The following AGO1 variants were observed in gnomAD, a reference collection of about 807,000 sequenced individuals.
AGO1 encodes the protein protein argonaute-1.
Under a neutral mutation model 109.2 loss-of-function variants are expected in AGO1, and 11 were observed. The ratio of observed to expected loss-of-function variants is 0.10; its 90% CI spans 0.06 to 0.17. The LOEUF is 0.17. AGO1 is among the 10% of genes least tolerant of loss of function. AGO1 has a pLI of 1.00. For synonymous variants in AGO1, 422 were observed against 418.6 expected (o/e 1.01, Z -0.10); for missense variants, 574 against 1,140.3 (o/e 0.50, Z 7.15).
chr1:35,898,977 A>G (rs192479031), intron 8 of AGO1, among the ~76,000 whole-genome samples: 62 of 152,360 alleles, frequency 4.1e-4, no homozygotes, highest in African/African-American at 1.4e-3. Flanking sequence ...GCAGTTGTAC[A>G]ACCATCACCA....
At chr1:35,907,812 G>A (rs1645551862) in intron 12 of AGO1, among the ~76,000 whole-genome samples, 1 of 152,034 alleles carries the variant, frequency 6.6e-6, no homozygotes, top group Non-Finnish European at 1.5e-5. Context: ...TTTAGCTTTT[G>A]TCTTCCTATT....
At chr1:35,911,078 AAAT>A (rs1370176686) in intron 12 of AGO1, among the ~76,000 whole-genome samples, 2 of 152,192 alleles carry the variant, frequency 1.3e-5, no homozygotes, top group Non-Finnish European at 2.9e-5. Context: ...AAGAAAAAAA[AAAT>A]AATAATAATG....
At chr1:35,918,145 C>CT (rs1318118285) in intron 16 of AGO1, among the ~76,000 whole-genome samples, 177 bp from the exon 17 acceptor site, 2 of 152,226 alleles carry the variant, frequency 1.3e-5, no homozygotes, top group African/African-American at 4.8e-5. Flanking sequence ...GCTAATAGGA[C>CT]TTGAACACAG....
At chr1:35,914,144 AC>A in intron 13 of AGO1, 39 bp from the exon 14 acceptor site, 3 of 1,604,634 alleles carry the variant, frequency 1.9e-6, no homozygotes, top group Non-Finnish European at 2.6e-6. Context: ...GCTAGAGAAG[AC>A]CCAGCGCCTC....
rs750331557 is a variant in AGO1 at position 35,919,080 on chromosome 1, A to G, written c.2291A>G (p.Tyr764Cys). 3 of 1,613,926 alleles carry G rather than the reference A, an allele frequency of 1.9e-6. No homozygotes were observed. The highest frequency in any genetic ancestry group is 3.3e-5 in the Admixed American group (2 of 59,990). The change falls in exon 18 of 19, where the codon TAT (tyrosine) becomes TGT (cysteine). Residue 764 changes from tyrosine (Y) to cysteine (C), a missense_variant. Around this residue, in one of 8 missense-constraint regions of AGO1, gnomAD observed 62 missense variants for 192.0 expected, o/e 0.32. Transcript: ENST00000373204. This position sits in a 1 kb window ranked among gnomAD's most constrained non-coding sequence, Gnocchi z 6.6. ...GGCACCAGCCGACCATCCCATTACT[A>G]TGTTCTTTGGGATGACAACCGTTTC... Reference protein sequence around the residue: ...IQGTSRPSHYYVLWDDNRFTA... With the variant: ...IQGTSRPSHYCVLWDDNRFTA...
intron 10 of AGO1, 60 bp from the exon 11 acceptor site, chr1:35,902,144 C>T (rs1645428644): frequency 1.9e-6 from 3 of 1,588,856 alleles, no homozygotes; most frequent in East Asian, 2.2e-5. Flanking sequence ...GGGGCTTTTG[C>T]TCCCCTACCC....
chr1:35,930,176 C>T lies in AGO1; in HGVS notation c.*10569C>T, dbSNP rs1354426697. 1.3e-5 allele frequency: 2 copies of T among 152,156 alleles called. No homozygotes were observed. The allele number at this position is 152,156 out of a possible 1,614,324, so 9.4% of individuals were successfully genotyped here. A position where few individuals can be genotyped will look rare whatever the true frequency, so the allele number is the denominator to read the frequency against. On this transcript the variant is annotated 3_prime_UTR_variant, in exon 19 of 19. Transcript: ENST00000373204. ...GGGCACACAAGTAGTAAATAAATAA[C>T]AGACTGGGCAAAGGGCTACCAAGGC...
At position 35,913,381 on chromosome 1, in the gene AGO1, A is replaced by G. The variant is rs568068685; in HGVS notation, c.1583-461A>G. On this transcript the variant is annotated intron_variant, in intron 12 of 18. Coordinates refer to ENST00000373204, the MANE Select transcript of AGO1 (RefSeq NM_012199.5). ...TCTGGTAGGTCAGTCTAATGACCAC[A>G]TTCTTTCCTTACAACATGCTCCCCT... Among the ~76,000 whole-genome samples, 12 of 152,282 alleles carry G rather than the reference A, an allele frequency of 7.9e-5. 1 individual carries two copies. The highest frequency in any genetic ancestry group is 7.2e-4 in the Admixed American group (11 of 15,290).
chr1:35,876,415 T>C (rs959581378), intron 1 of AGO1, among the ~76,000 whole-genome samples: 33 of 151,990 alleles, frequency 2.2e-4, no homozygotes, highest in African/African-American at 5.5e-4. Flanking sequence ...TACAGGCGCC[T>C]GCCACCATGC....
intron 1 of AGO1, among the ~76,000 whole-genome samples, chr1:35,887,070 C>G (rs533199890): frequency 3.9e-5 from 6 of 152,250 alleles, no homozygotes; most frequent in African/African-American, 1.2e-4. Context: ...TTTTCCCTTC[C>G]CCATGTAGCT....
chr1:35,916,521 C>G (rs1394898630), intron 15 of AGO1, among the ~76,000 whole-genome samples: 1 of 152,174 alleles, frequency 6.6e-6, no homozygotes, highest in Non-Finnish European at 1.5e-5. Flanking sequence ...GTATGAGTCA[C>G]CACACCCAGC....
chr1:35,897,720 C>T (rs1284708588), intron 8 of AGO1, among the ~76,000 whole-genome samples: 1 of 151,814 alleles, frequency 6.6e-6, no homozygotes, highest in Non-Finnish European at 1.5e-5. Context: ...CAGAGGGAGA[C>T]CCTGTCTCAA....
intron 1 of AGO1, among the ~76,000 whole-genome samples, chr1:35,885,962 C>T (rs1228940286): frequency 6.6e-6 from 1 of 152,200 alleles, no homozygotes; most frequent in Non-Finnish European, 1.5e-5. Flanking sequence ...ACCAGCTAAC[C>T]TAACCTAACC....
chr1:35,917,667 T>C lies in AGO1; in HGVS notation c.2103T>C (p.Thr701=). 6.2e-7 allele frequency: 1 copy of C among 1,613,848 alleles called. No homozygotes were observed. Among genetic ancestry groups the C allele is most frequent in the Non-Finnish European group, 8.5e-7 (1 of 1,179,794 alleles). ...KLEKDYQPGI[T]YIVVQKRHHT... ...AAAAGGACTACCAGCCTGGGATCAC[T>C]TATATTGTGGTGCAGAAACGCCATC... The change falls in exon 16 of 19, where the codon ACT becomes ACC. Residue 701 remains threonine, a synonymous_variant. Coordinates refer to ENST00000373204, the MANE Select transcript of AGO1 (RefSeq NM_012199.5).
Position 35,901,358 on chromosome 1 carries a change from T to G in AGO1, c.1021-116T>G. 7.5e-7 allele frequency: 1 copy of G among 1,326,286 alleles called. No homozygotes were observed. The highest frequency in any genetic ancestry group is 1.1e-6 in the Non-Finnish European group (1 of 948,174). The allele number at this position is 1,326,286 out of a possible 1,614,324, so 82.2% of individuals were successfully genotyped here. ...GGAGAATACATGTATGCACAACGGA[T>G]TTTGCAGTTCCCTTCCCCATGGCTG... On this transcript the variant is annotated intron_variant, in intron 8 of 18. Transcript: ENST00000373204. This position sits in a 1 kb window ranked among gnomAD's most constrained non-coding sequence, Gnocchi z 4.8.
Position 35,927,297 on chromosome 1 carries a change from C to T in AGO1, c.*7690C>T, listed in dbSNP as rs1645949519. 6.6e-6 allele frequency: 1 copy of T among 152,262 alleles called. No individual in the cohort carries two copies. The highest frequency in any genetic ancestry group is 1.9e-4 in the East Asian group (1 of 5,182). 9.4% of individuals were successfully genotyped at this position (152,262 alleles called of 1,614,324 possible). On this transcript the variant is annotated 3_prime_UTR_variant, in exon 19 of 19. Coordinates refer to ENST00000373204, the MANE Select transcript of AGO1 (RefSeq NM_012199.5). ...TTCTTAAATAAGAAAACTATCATTTCATATGACAAGAAATCCTAATTTAAT... is the reference window on the plus strand; with the variant it reads ...TTCTTAAATAAGAAAACTATCATTTTATATGACAAGAAATCCTAATTTAAT...
intron 11 of AGO1, among the ~76,000 whole-genome samples, chr1:35,903,689 G>A (rs890904984): frequency 2.0e-5 from 3 of 151,880 alleles, no homozygotes; most frequent in Non-Finnish European, 2.9e-5. Context: ...TCTAGGCTGG[G>A]CATGGTGGCT....
intron 15 of AGO1, among the ~76,000 whole-genome samples, chr1:35,916,573 G>A (rs945253826): frequency 5.3e-5 from 8 of 152,042 alleles, no homozygotes; most frequent in Non-Finnish European, 7.4e-5. Flanking sequence ...TCACTATGTC[G>A]GCCAGGCTGG....
chr1:35,873,090 G>A (rs1373541314), intron 1 of AGO1, among the ~76,000 whole-genome samples: 1 of 150,684 alleles, frequency 6.6e-6, no homozygotes, highest in Non-Finnish European at 1.5e-5. Flanking sequence ...TACTGTCTAT[G>A]CTTAGCAAAG....
Sources: allele counts gnomAD v4.1 joint callset (sites outside exome capture counted in the v4.1 genomes callset), GRCh38; gene constraint gnomAD v4.1.1; regional missense constraint gnomAD v4.1.1; non-coding constraint Gnocchi (gnomAD v3.1); transcripts MANE v1.5; gene names NCBI Gene and HGNC (gene_info 2026-07-23, HGNC 2026-07-21).